SGCZ: variants seen among roughly 807,000 people sequenced by gnomAD.
SGCZ encodes zeta-sarcoglycan.
SGCZ carries 40 observed loss-of-function variants against 41.3 expected under a neutral mutation model. The observed-to-expected ratio is 0.97, with a 90% CI of 0.75 to 1.26. The LOEUF (loss-of-function observed/expected upper bound fraction) is 1.26, where lower values mean the gene tolerates loss of function less well. Among genes scored for constraint, SGCZ ranks in the 50% most tolerant of loss-of-function variants. The probability of loss-of-function intolerance (pLI) is 0.00; values close to 1 mark genes in which losing one functional copy is unlikely to be tolerated. For synonymous variants in SGCZ, 206 were observed against 137.5 expected (o/e 1.50, Z -3.49); for missense variants, 552 against 369.8 (o/e 1.49, Z -4.04).
rs1436516554 is a variant in SGCZ at position 14,146,797 on chromosome 8, G to A, written c.547+17783C>T. ...TGAGGCAGGAGAATGGCGTGAACCC[G>A]GGAGGCGGAGCTTGCAGTGAGCCGA... On this transcript the variant is annotated intron_variant, in intron 5 of 7. Coordinates refer to ENST00000382080, the MANE Select transcript of SGCZ (RefSeq NM_139167.4). Among the ~76,000 whole-genome samples the A allele has an allele frequency of 2.1e-5, 3 of 143,170 alleles. 1 individual carries two copies. The highest frequency in any genetic ancestry group is 4.6e-5 in the Non-Finnish European group (3 of 65,492). The allele number at this position is 143,170 out of a possible 152,430, so 93.9% of individuals were successfully genotyped here.
At chr8:14,094,141 A>T (rs1002017018) in intron 7 of SGCZ, among the ~76,000 whole-genome samples, 3 of 152,094 alleles carry the variant, frequency 2.0e-5, no homozygotes, top group East Asian at 1.9e-4. Context: ...CCCTTTTTTT[A>T]AAAAGATTTT....
intron 1 of SGCZ, among the ~76,000 whole-genome samples, chr8:15,176,565 T>A (rs539381648): frequency 2.0e-5 from 3 of 152,336 alleles, no homozygotes; most frequent in South Asian, 2.1e-4. Context: ...AAGTAATATT[T>A]CATAGAAGAA....
intron 1 of SGCZ, among the ~76,000 whole-genome samples, chr8:14,905,996 T>A (rs188420637): frequency 3.2e-4 from 48 of 152,138 alleles, no homozygotes; most frequent in Non-Finnish European, 5.0e-4. Flanking sequence ...AAATATTTTT[T>A]AAAAAAATTA....
chr8:14,916,636 T>C (rs4615569), intron 1 of SGCZ, among the ~76,000 whole-genome samples: 8,624 of 152,272 alleles, frequency 0.057, 300 homozygotes, highest in Admixed American at 0.08. Flanking sequence ...CTTCATATTT[T>C]GTAGTTTTAT....
chr8:14,949,964 T>C (rs1800577973), intron 1 of SGCZ, among the ~76,000 whole-genome samples: 1 of 152,096 alleles, frequency 6.6e-6, no homozygotes, highest in Non-Finnish European at 1.5e-5. Flanking sequence ...GTTTTTTCTT[T>C]AAGAGTAACC....
chr8:15,153,651 T>C (rs1427707592), intron 1 of SGCZ, among the ~76,000 whole-genome samples: 2 of 152,054 alleles, frequency 1.3e-5, no homozygotes, highest in African/African-American at 4.8e-5. Flanking sequence ...TAAAAGGCTA[T>C]GGCACTTTCC....
intron 1 of SGCZ, among the ~76,000 whole-genome samples, chr8:15,008,284 A>T (rs1802679065): frequency 6.6e-6 from 1 of 151,978 alleles, no homozygotes; most frequent in South Asian, 2.1e-4. Context: ...CTTTTGCCAA[A>T]TGAGTCCATT....
chr8:14,724,709 AT>A (rs1330475415), intron 1 of SGCZ, among the ~76,000 whole-genome samples: 2 of 151,120 alleles, frequency 1.3e-5, no homozygotes, highest in African/African-American at 2.4e-5. Flanking sequence ...ATGCATATTT[AT>A]TTTTATGAAT....
intron 1 of SGCZ, among the ~76,000 whole-genome samples, chr8:14,812,234 T>G (rs1254275768): frequency 1.3e-5 from 2 of 152,060 alleles, no homozygotes; most frequent in African/African-American, 4.8e-5. Context: ...TATTTACTTG[T>G]AAATCAATTT....
chr8:14,672,273 G>A (rs1808128031), intron 1 of SGCZ, among the ~76,000 whole-genome samples: 1 of 152,080 alleles, frequency 6.6e-6, no homozygotes, highest in Non-Finnish European at 1.5e-5. Flanking sequence ...CAATAAAATA[G>A]TAATCTGCCA....
At chr8:14,250,719 G>C (rs1011621898) in intron 3 of SGCZ, among the ~76,000 whole-genome samples, 1 of 151,948 alleles carries the variant, frequency 6.6e-6, no homozygotes, top group South Asian at 2.1e-4. Context: ...TATTGGAGTT[G>C]GCCTGACCTG....
intron 1 of SGCZ, among the ~76,000 whole-genome samples, chr8:14,570,446 G>C (rs1804516169): frequency 6.6e-6 from 1 of 152,048 alleles, no homozygotes; most frequent in African/African-American, 2.4e-5. Flanking sequence ...TTTCTGAGTG[G>C]TTTATTTATG....
intron 1 of SGCZ, among the ~76,000 whole-genome samples, chr8:15,140,758 T>G (rs1202532489): frequency 6.6e-6 from 1 of 152,346 alleles, no homozygotes; most frequent in East Asian, 1.9e-4. Context: ...TTATCTATTA[T>G]CCATCAAGAC....
At chr8:14,705,135 C>A (rs983270715) in intron 1 of SGCZ, among the ~76,000 whole-genome samples, 3 of 151,936 alleles carry the variant, frequency 2.0e-5, no homozygotes, top group African/African-American at 7.2e-5. Context: ...GTTCCTTCAA[C>A]ACCCCTTTTT....
chr8:14,560,009 GAA>G (rs1804160054), intron 1 of SGCZ, among the ~76,000 whole-genome samples: 1 of 152,058 alleles, frequency 6.6e-6, no homozygotes, highest in Non-Finnish European at 1.5e-5. Flanking sequence ...GAATTTGGTA[GAA>G]ATTTCAAGGT....
At chr8:14,984,523 G>T (rs1197767170) in intron 1 of SGCZ, among the ~76,000 whole-genome samples, 2 of 151,428 alleles carry the variant, frequency 1.3e-5, no homozygotes, top group Admixed American at 1.3e-4. Context: ...AACAAAATAG[G>T]CTTTTTTCCT....
intron 1 of SGCZ, among the ~76,000 whole-genome samples, chr8:14,673,713 A>G (rs375933442): frequency 1.6e-4 from 25 of 152,350 alleles, no homozygotes; most frequent in East Asian, 5.8e-4. Flanking sequence ...TGAATAAATG[A>G]ACGAATAAAT....
intron 3 of SGCZ, among the ~76,000 whole-genome samples, chr8:14,252,965 G>T (rs1799334332): frequency 6.6e-6 from 1 of 152,136 alleles, no homozygotes; most frequent in Non-Finnish European, 1.5e-5. Context: ...TAGGTTGCCT[G>T]TGGGATTTTA....
intron 1 of SGCZ, among the ~76,000 whole-genome samples, chr8:14,998,327 A>G (rs1049020532): frequency 3.3e-5 from 5 of 152,230 alleles, no homozygotes; most frequent in African/African-American, 7.2e-5. Context: ...ATACTCCTTG[A>G]TAGAAAGTTA....
Sources: allele counts gnomAD v4.1 joint callset (sites outside exome capture counted in the v4.1 genomes callset), GRCh38; gene constraint gnomAD v4.1.1; transcripts MANE v1.5; gene names NCBI Gene and HGNC (gene_info 2026-07-23, HGNC 2026-07-21).